Variants in GCLC observed in about 807,000 individuals in gnomAD.
The protein encoded by GCLC is glutamate--cysteine ligase catalytic subunit.
In GCLC, 30 loss-of-function variants were observed where a neutral mutation model predicts 81.5. The ratio of observed to expected loss-of-function variants is 0.37; its 90% CI spans 0.28 to 0.50. The LOEUF is 0.50. Among genes scored for constraint, GCLC ranks in the 20% least tolerant of loss-of-function variants. GCLC has a pLI of 0.96. For synonymous variants in GCLC, 262 were observed against 273.3 expected (o/e 0.96, Z 0.41); for missense variants, 556 against 777.4 (o/e 0.72, Z 3.39).
At chr6:53,528,540 A>C (rs1763121849) in intron 1 of GCLC, among the ~76,000 whole-genome samples, 1 of 152,216 alleles carries the variant, frequency 6.6e-6, no homozygotes, top group South Asian at 2.1e-4. Context: ...CAAAAAGAAA[A>C]TGTTTTAGCA....
chr6:53,501,801 G>A (rs572220511), intron 12 of GCLC, among the ~76,000 whole-genome samples: 1 of 152,044 alleles, frequency 6.6e-6, no homozygotes, highest in South Asian at 2.1e-4. Flanking sequence ...TTTTTCCTTA[G>A]TCTTGAAAAA....
intron 4 of GCLC, among the ~76,000 whole-genome samples, chr6:53,515,223 GT>G (rs1764843721): frequency 6.6e-6 from 1 of 152,156 alleles, no homozygotes; most frequent in Non-Finnish European, 1.5e-5. Flanking sequence ...ACAATTACAT[GT>G]TTCTATGGGC....
chr6:53,521,847 GCCTGTAGTC>G (rs987898784), intron 2 of GCLC, among the ~76,000 whole-genome samples: 13 of 152,094 alleles, frequency 8.5e-5, no homozygotes, highest in Non-Finnish European at 1.5e-5. Context: ...GGTGGCGGGC[GCCTGTAGTC>G]CCAGCTACTC....
At position 53,544,653 on chromosome 6, in the gene GCLC, CCCTCCTCCTCCT is replaced by C; in HGVS notation, c.-20_-9del. ...CTGGGACAGCAGCCCCATGGCCGCC[CCCTCCTCCTCCT>C]CCTCCTCCTCCGGGCTGACGGCGGT... On this transcript the variant is annotated 5_prime_UTR_variant, in exon 1 of 16. Coordinates refer to ENST00000650454, the MANE Select transcript of GCLC (RefSeq NM_001498.4). 3 of 1,550,854 alleles carry C rather than the reference CCCTCCTCCTCCT, an allele frequency of 1.9e-6. No individual in the cohort carries two copies. Among genetic ancestry groups the C allele is most frequent in the African/African-American group, 2.8e-5 (2 of 72,188 alleles).
intron 4 of GCLC, among the ~76,000 whole-genome samples, chr6:53,514,946 G>A (rs1306956720): frequency 2.0e-5 from 3 of 152,124 alleles, no homozygotes; most frequent in African/African-American, 7.2e-5. Flanking sequence ...TTATCCTCCA[G>A]ACTCATGCTT....
intron 12 of GCLC, chr6:53,500,955 G>A: frequency 3.5e-6 from 1 of 287,146 alleles, no homozygotes; most frequent in South Asian, 3.5e-5. Context: ...TCGCTCTGTT[G>A]CCCAGGTTGG....
Position 53,505,514 on chromosome 6 carries a change from C to G in GCLC, c.1291-18G>C. The G allele has an allele frequency of 7.4e-7, 1 of 1,344,288 alleles. No homozygotes were observed. The highest frequency in any genetic ancestry group is 1.2e-5 in the South Asian group (1 of 85,408). 83.3% of individuals were successfully genotyped at this position (1,344,288 alleles called of 1,614,324 possible). The stretch of plus-strand genomic sequence containing the variant: ...AATTGCACCTAGACAAGCAGAAGCC[C>G]AGAGAAGTTATGAACCAACTACACA... On this transcript the variant is annotated intron_variant, in intron 11 of 15. Coordinates refer to ENST00000650454, the MANE Select transcript of GCLC (RefSeq NM_001498.4).
chr6:53,534,752 A>T (rs774479101), intron 1 of GCLC, among the ~76,000 whole-genome samples: 2 of 152,222 alleles, frequency 1.3e-5, no homozygotes, highest in African/African-American at 4.8e-5. Context: ...CAGGGATAAC[A>T]TGACAAAAAA....
At chr6:53,538,548 G>C (rs1021321016) in intron 1 of GCLC, among the ~76,000 whole-genome samples, 6 of 152,064 alleles carry the variant, frequency 3.9e-5, no homozygotes, top group African/African-American at 1.2e-4. Context: ...AGCCAAGATG[G>C]TCTTGATCTC....
At chr6:53,505,599 T>A in intron 11 of GCLC, 103 bp from the exon 12 acceptor site, 1 of 766,572 alleles carries the variant, frequency 1.3e-6, no homozygotes, top group Non-Finnish European at 2.3e-6. Flanking sequence ...AGCCATCTCC[T>A]AATTCCCCAT....
intron 1 of GCLC, among the ~76,000 whole-genome samples, chr6:53,537,614 A>AAAATAAATAAATAAAT (rs200187470): frequency 2.7e-5 from 4 of 149,156 alleles, no homozygotes; most frequent in African/African-American, 7.5e-5. Flanking sequence ...ACCCTGTCTC[A>AAAATAAATAAATAAAT]AAATAAATAA....
At chr6:53,537,386 G>A (rs1391604929) in intron 1 of GCLC, among the ~76,000 whole-genome samples, 1 of 152,234 alleles carries the variant, frequency 6.6e-6, no homozygotes, top group African/African-American at 2.4e-5. Flanking sequence ...AATACGCTAT[G>A]ACCTATAGAA....
chr6:53,521,736 G>A (rs1038388667), intron 2 of GCLC, among the ~76,000 whole-genome samples: 1 of 152,162 alleles, frequency 6.6e-6, no homozygotes, highest in Admixed American at 6.5e-5. Context: ...CACTTTGGGA[G>A]GCTGAGGCGG....
chr6:53,518,379 T>G (rs17883842), intron 3 of GCLC, among the ~76,000 whole-genome samples: 2 of 151,960 alleles, frequency 1.3e-5, no homozygotes, highest in Non-Finnish European at 2.9e-5. Context: ...GCCTCCGGAG[T>G]AGCTGGGATT....
rs546373726 is a variant in GCLC at position 53,497,693 on chromosome 6, G to A, written c.*1063C>T. The A allele has an allele frequency of 6.6e-6, 1 of 152,664 alleles. No homozygotes were observed. The highest frequency in any genetic ancestry group is 1.9e-4 in the East Asian group (1 of 5,182). The allele number at this position is 152,664 out of a possible 1,614,324, so 9.5% of individuals were successfully genotyped here. A position where few individuals can be genotyped will look rare whatever the true frequency, so the allele number is the denominator to read the frequency against. The stretch of plus-strand genomic sequence containing the variant: ...CAACGCAAAGCTATAATAATTATCT[G>A]AAACTTATTTACAATTAAACATTTA... On this transcript the variant is annotated 3_prime_UTR_variant, in exon 16 of 16. Coordinates refer to ENST00000650454, the MANE Select transcript of GCLC (RefSeq NM_001498.4).
At chr6:53,530,524 A>C in intron 1 of GCLC, among the ~76,000 whole-genome samples, 1 of 152,200 alleles carries the variant, frequency 6.6e-6, no homozygotes, top group Non-Finnish European at 1.5e-5. Context: ...AGAGATCGAC[A>C]CAGGCTGCAT....
intron 12 of GCLC, chr6:53,503,392 C>T (rs1438902957): frequency 6.6e-6 from 1 of 152,120 alleles, no homozygotes; most frequent in Non-Finnish European, 1.5e-5. Context: ...TACAGCAGCC[C>T]AAACAAACCA....
chr6:53,519,497 C>T (rs893038500), intron 3 of GCLC, among the ~76,000 whole-genome samples: 1 of 151,762 alleles, frequency 6.6e-6, no homozygotes, highest in South Asian at 2.1e-4. Context: ...GCTAGCACAG[C>T]CCCACTTTGA....
At position 53,501,110 on chromosome 6, in the gene GCLC, G is replaced by C. The variant is rs144167759; in HGVS notation, c.1396-597C>G. 7.2e-3 allele frequency: 1,201 copies of C among 166,322 alleles called. 20 individuals are homozygous for C. The highest frequency in any genetic ancestry group is 0.028 in the African/African-American group (1,159 of 41,596). 10.3% of individuals were successfully genotyped at this position (166,322 alleles called of 1,614,324 possible). A position where few individuals can be genotyped will look rare whatever the true frequency, so the allele number is the denominator to read the frequency against. On this transcript the variant is annotated intron_variant, in intron 12 of 15. Transcript: ENST00000650454. ...TTTTTTGTATTTTTAGTAGAGACGG[G>C]GTTTCACCATGTTGGCCAGGCTGGT... is the stretch of plus-strand genomic sequence containing the variant.
Sources: gnomAD v4.1 joint callset for allele counts (sites outside exome capture counted in the v4.1 genomes callset) on GRCh38, gnomAD v4.1.1 for gene constraint, MANE v1.5 for transcripts, NCBI Gene and HGNC (gene_info 2026-07-23, HGNC 2026-07-21) for gene names.